KPNB1: variants seen among roughly 807,000 people sequenced by gnomAD.
The protein encoded by KPNB1 is importin subunit beta-1.
Under a neutral mutation model 113.0 loss-of-function variants are expected in KPNB1, and 7 were observed. That is an observed-to-expected ratio of 0.06 (90% CI 0.04 to 0.12). The LOEUF (loss-of-function observed/expected upper bound fraction) is 0.12. Ranked by LOEUF, KPNB1 falls within the 10% of genes least tolerant of loss-of-function variation. The pLI, the probability that KPNB1 is intolerant of heterozygous loss-of-function variation, is 1.00. For missense variants in KPNB1, 400 were observed against 1,054.8 expected, an observed-to-expected ratio of 0.38 and a Z score of 8.60; for synonymous variants, 363 against 378.6, an observed-to-expected ratio of 0.96 and a Z score of 0.48.
Position 47,667,141 on chromosome 17 carries a change from G to T in KPNB1, c.1000-1045G>T, listed in dbSNP as rs949946567. Among the ~76,000 whole-genome samples the T allele has an allele frequency of 6.0e-5, 9 of 150,924 alleles. No homozygotes were observed. The East Asian group carries it at 1.2e-3, about 20-fold the overall frequency. ...TTTTTGGTTTTTTGGGGTGGCGTTG[G>T]GGGGTACAGAGTCTTGCTCTATCAC... On this transcript the variant is annotated intron_variant, in intron 9 of 21. Transcript: ENST00000290158.
Position 47,668,207 on chromosome 17 carries a change from G to A in KPNB1, c.1021G>A (p.Asp341Asn). 6.2e-7 allele frequency: 1 copy of A among 1,613,912 alleles called. No homozygotes were observed. The highest frequency in any genetic ancestry group is 8.5e-7 in the Non-Finnish European group (1 of 1,179,844). ...CCAGGACGAAAATGATGATGACGAT[G>A]ACTGGAACCCCTGCAAAGCAGCAGG... is the stretch of plus-strand genomic sequence containing the variant. ...TKQDENDDDD[D>N]WNPCKAAGVC... The change falls in exon 10 of 22, where the codon GAC (aspartate) becomes AAC (asparagine). Residue 341 changes from aspartate to asparagine, a missense_variant. By Grantham distance (23) the Asp-to-Asn change is conservative (BLOSUM62 1). Around this residue, in one of 2 missense-constraint regions of KPNB1, gnomAD observed 285 missense variants for 627.0 expected, o/e 0.45. Coordinates refer to ENST00000290158, the MANE Select transcript of KPNB1 (RefSeq NM_002265.6).
chr17:47,684,590 G>A lies in KPNB1; in HGVS notation c.*2186G>A, dbSNP rs1487337327. 2 of 152,578 alleles carry A rather than the reference G, an allele frequency of 1.3e-5. No individual in the cohort carries two copies. The highest frequency in any genetic ancestry group is 2.4e-5 in the African/African-American group (1 of 41,412). The allele number at this position is 152,578 out of a possible 1,614,324, so 9.5% of individuals were successfully genotyped here. The stretch of plus-strand genomic sequence containing the variant: ...AGAAAAAAAATCTGATCATTCCTCA[G>A]TGCTACCCATTTCTGTCCTGTGTGG... On this transcript the variant is annotated 3_prime_UTR_variant, in exon 22 of 22. Transcript: ENST00000290158.
chr17:47,655,627 T>G (rs1410241218), intron 3 of KPNB1, among the ~76,000 whole-genome samples: 1 of 152,190 alleles, frequency 6.6e-6, no homozygotes, highest in Admixed American at 6.5e-5. Flanking sequence ...TGGATCAGAT[T>G]AGACAGTGAT....
intron 19 of KPNB1, chr17:47,679,785 C>T (rs1373584437): frequency 5.5e-6 from 2 of 361,266 alleles, no homozygotes; most frequent in Non-Finnish European, 1.0e-5. Context: ...CAAGCTCCGC[C>T]TCCTGGGTTC....
In KPNB1 at chr17:47,682,408, G is replaced by T; in HGVS notation, c.*4G>T. The T allele has an allele frequency of 1.3e-6, 1 of 780,744 alleles. No individual in the cohort carries two copies. The highest frequency in any genetic ancestry group is 2.4e-6 in the Non-Finnish European group (1 of 418,118). The allele number at this position is 780,744 out of a possible 1,614,324, so 48.4% of individuals were successfully genotyped here. On this transcript the variant is annotated 3_prime_UTR_variant, in exon 22 of 22. Coordinates refer to ENST00000290158, the MANE Select transcript of KPNB1 (RefSeq NM_002265.6). ...TTTTTTTCCATCTGTTTTCAGATCT[G>T]TTACCATTGGGATGATAACCTGAGG...
At chr17:47,652,032 T>C (rs552099260) in intron 2 of KPNB1, among the ~76,000 whole-genome samples, 1 of 152,350 alleles carries the variant, frequency 6.6e-6, no homozygotes, top group South Asian at 2.1e-4. Context: ...AAATATCTTA[T>C]CACTTTTCCT....
Position 47,652,868 on chromosome 17 carries a change from A to G in KPNB1, c.274A>G (p.Lys92Glu). The change falls in exon 3 of 22, where the codon AAG becomes GAG. Residue 92 changes from lysine to glutamate, a missense_variant. By Grantham distance (56) the Lys-to-Glu change is moderately conservative. Around this residue, in one of 2 missense-constraint regions of KPNB1, gnomAD observed 285 missense variants for 627.0 expected, o/e 0.45. Coordinates refer to ENST00000290158, the MANE Select transcript of KPNB1 (RefSeq NM_002265.6). ...AIDANARREV[K>E]NYVLQTLGTE... ...TGATGCTAATGCTCGACGAGAAGTC[A>G]AGAACTATGTGAGTAACGCTTATCT... 1 of 1,590,248 alleles carries G rather than the reference A, an allele frequency of 6.3e-7. No individual in the cohort carries two copies. Among genetic ancestry groups the G allele is most frequent in the Non-Finnish European group, 8.5e-7 (1 of 1,171,268 alleles).
In KPNB1 at chr17:47,675,361, G is replaced by GTTTTTGTTTTTTTTTTT. The variant is rs2030568124; in HGVS notation, c.1912+584_1912+585insGTTTTTTTTTTTTTTTT. 1.9e-4 allele frequency among the ~76,000 whole-genome samples: 17 copies of GTTTTTGTTTTTTTTTTT among 88,690 alleles called. 2 individuals are homozygous for GTTTTTGTTTTTTTTTTT. Among genetic ancestry groups the GTTTTTGTTTTTTTTTTT allele is most frequent in the East Asian group, 1.2e-3 (4 of 3,440 alleles). The allele number at this position is 88,690 out of a possible 152,430, so 58.2% of individuals were successfully genotyped here. On this transcript the variant is annotated intron_variant, in intron 15 of 21. Coordinates refer to ENST00000290158, the MANE Select transcript of KPNB1 (RefSeq NM_002265.6). The stretch of plus-strand genomic sequence containing the variant: ...TGCAACGGAGATTGGCAGAGGTGTT[G>GTTTTTGTTTTTTTTTTT]TTTTTTTTTTGTTTTTTTTTTTTGT...
Position 47,650,127 on chromosome 17 carries a change from G to GCCC in KPNB1, c.-114_-112dup. ...GGTGAATGGGTTTGTGGTGACCCCCGCCCCCCACCCCACCCTCCCTTCCCA... is the reference window on the plus strand; with the variant it reads ...GGTGAATGGGTTTGTGGTGACCCCCGCCCCCCCCCACCCCACCCTCCCTTCCCA... On this transcript the variant is annotated 5_prime_UTR_variant, in exon 1 of 22. Transcript: ENST00000290158. The GCCC allele has an allele frequency of 1.3e-5, 9 of 686,060 alleles. No homozygotes were observed. Among genetic ancestry groups the GCCC allele is most frequent in the South Asian group, 4.3e-5 (1 of 23,506 alleles). The allele number at this position is 686,060 out of a possible 1,614,324, so 42.5% of individuals were successfully genotyped here. A position where few individuals can be genotyped will look rare whatever the true frequency, so the allele number is the denominator to read the frequency against.
At chr17:47,680,714 G>T in intron 21 of KPNB1, 45 bp downstream of exon 21, 1 of 1,577,832 alleles carries the variant, frequency 6.3e-7, no homozygotes, top group South Asian at 1.1e-5. Context: ...CTTCCTGGAG[G>T]AGGGGGGTAT....
intron 19 of KPNB1, 187 bp downstream of exon 19, chr17:47,678,600 T>G (rs2030680849): frequency 7.0e-6 from 4 of 574,376 alleles, no homozygotes; most frequent in South Asian, 2.2e-5. Flanking sequence ...GTTTTTGCTC[T>G]GCTTCTTCTT....
At chr17:47,680,816 TCA>T (rs774663171) in intron 21 of KPNB1, 147 bp downstream of exon 21, 2 of 759,804 alleles carry the variant, frequency 2.6e-6, no homozygotes, top group South Asian at 1.9e-5. Context: ...TCAGGCAGCC[TCA>T]GTTTTTCCTT....
chr17:47,672,889 T>C, intron 12 of KPNB1, 129 bp from the exon 13 acceptor site: 1 of 713,128 alleles, frequency 1.4e-6, no homozygotes, highest in Non-Finnish European at 2.2e-6. Flanking sequence ...TTGGATATTG[T>C]GTTTTCAAAC....
rs1915494533 is a variant in KPNB1, at chr17:47,650,244, C to T, written c.-1C>T. ...GAGTCGCCGCCGCCGCCACCTCCGC[C>T]ATGGAGCTGATCACCATTCTCGAGA... On this transcript the variant is annotated 5_prime_UTR_variant, in exon 1 of 22. Coordinates refer to ENST00000290158, the MANE Select transcript of KPNB1 (RefSeq NM_002265.6). The T allele has an allele frequency of 3.1e-6, 5 of 1,592,282 alleles. No individual in the cohort carries two copies. Among genetic ancestry groups the T allele is most frequent in the Non-Finnish European group, 3.4e-6 (4 of 1,171,846 alleles).
At position 47,674,601 on chromosome 17, in the gene KPNB1, GGAATCAACT is replaced by G. The variant is rs1314230120; in HGVS notation, c.1768-34_1768-26del. The G allele has an allele frequency of 1.9e-6, 3 of 1,591,410 alleles. No homozygotes were observed. In the Admixed American group the frequency reaches 5.3e-5, roughly 28 times the overall value. On this transcript the variant is annotated intron_variant, in intron 14 of 21. Transcript: ENST00000290158. ...GTATAGTGTTCTGATTGGGAGATTT[GGAATCAACT>G]GATCTTGAACTCTTACTCATTTCAC...
At chr17:47,677,193 T>G (rs1273009922) in intron 17 of KPNB1, 66 bp downstream of exon 17, 2 of 1,185,330 alleles carry the variant, frequency 1.7e-6, no homozygotes, top group African/African-American at 3.4e-5. Flanking sequence ...GGAAAGATAG[T>G]TAAATATCGA....
chr17:47,668,189 G>A lies in KPNB1; in HGVS notation c.1003G>A (p.Glu335Lys). Residue 335 changes from glutamate (E) to lysine (K), a missense_variant, in exon 10 of 22, where the codon GAA (glutamate) becomes AAA (lysine). Glu to Lys is a moderately conservative substitution (Grantham distance 56, BLOSUM62 1). Around this residue, in one of 2 missense-constraint regions of KPNB1, gnomAD observed 285 missense variants for 627.0 expected, o/e 0.45. Coordinates refer to ENST00000290158, the MANE Select transcript of KPNB1 (RefSeq NM_002265.6). ...TAGTGCCATATTCTTTCACCAGGAC[G>A]AAAATGATGATGACGATGACTGGAA... is the stretch of plus-strand genomic sequence containing the variant. ...ILTQTLTKQDENDDDDDWNPC... is the reference protein window; with the variant it reads ...ILTQTLTKQDKNDDDDDWNPC... 6.2e-7 allele frequency: 1 copy of A among 1,613,182 alleles called. No individual in the cohort carries two copies. The highest frequency in any genetic ancestry group is 8.5e-7 in the Non-Finnish European group (1 of 1,179,240).
chr17:47,659,463 T>C (rs1044469693), intron 5 of KPNB1, among the ~76,000 whole-genome samples: 1 of 152,208 alleles, frequency 6.6e-6, no homozygotes, highest in Admixed American at 6.5e-5. Context: ...ACTAAAGATT[T>C]TGTGGAGGCC....
chr17:47,651,128 A>G (rs1915555484), intron 2 of KPNB1: 1 of 735,300 alleles, frequency 1.4e-6, no homozygotes, highest in African/African-American at 1.9e-5. Flanking sequence ...ACTGAGGCTC[A>G]TCTTTGAGAT....
Sources: gnomAD v4.1 joint callset for allele counts (sites outside exome capture counted in the v4.1 genomes callset) on GRCh38, gnomAD v4.1.1 for gene constraint, gnomAD v4.1.1 regional missense constraint, MANE v1.5 for transcripts, NCBI Gene and HGNC (gene_info 2026-07-23, HGNC 2026-07-21) for gene names.